The following TAF1A variants were observed in gnomAD, a reference collection of about 807,000 sequenced individuals.
TAF1A encodes the protein TATA box-binding protein-associated factor RNA polymerase I subunit A.
In TAF1A, 42 loss-of-function variants were observed where a neutral mutation model predicts 61.6. The observed-to-expected ratio is 0.68, with a 90% confidence interval of 0.53 to 0.88. TAF1A has a LOEUF of 0.88. Among genes scored for constraint, TAF1A ranks in the 40% least tolerant of loss-of-function variants. The pLI, the probability that TAF1A is intolerant of heterozygous loss-of-function variation, is 0.00. For synonymous variants in TAF1A, 179 were observed against 177.7 expected, an observed-to-expected ratio of 1.01 and a Z score of -0.06; for missense variants, 424 against 518.7, an observed-to-expected ratio of 0.82 and a Z score of 1.77.
chr1:222,588,319 A>G, intron 2 of TAF1A, 124 bp downstream of exon 2: 2 of 1,204,886 alleles, frequency 1.7e-6, no homozygotes, highest in African/African-American at 1.5e-5. Context: ...TTTGGCTTTT[A>G]GCCAAAAAAC....
At position 222,589,458 on chromosome 1, in the gene TAF1A, T is replaced by G. The variant is rs115102765; in HGVS notation, c.-3+269A>C. On this transcript the variant is annotated intron_variant, in intron 1 of 10. Transcript: ENST00000352967. ...CAAAGCATGTGGCTAGGAGTATGAATTATAAGTAACAACTGAATTTGAATC... is the reference window on the plus strand; with the variant it reads ...CAAAGCATGTGGCTAGGAGTATGAAGTATAAGTAACAACTGAATTTGAATC... Among the ~76,000 whole-genome samples, 529 of 152,284 alleles carry G rather than the reference T, an allele frequency of 3.5e-3. 3 individuals carry two copies. The highest frequency in any genetic ancestry group is 0.012 in the African/African-American group (508 of 41,562).
chr1:222,578,360 G>C (rs1003891318), intron 4 of TAF1A, among the ~76,000 whole-genome samples: 3 of 152,124 alleles, frequency 2.0e-5, no homozygotes, highest in Non-Finnish European at 2.9e-5. Context: ...CATCTTTCAA[G>C]TGGCTACCAA....
intron 2 of TAF1A, among the ~76,000 whole-genome samples, chr1:222,584,565 C>T (rs1321308724): frequency 6.6e-6 from 1 of 152,150 alleles, no homozygotes; most frequent in Non-Finnish European, 1.5e-5. Context: ...TCCTTTCATC[C>T]TTGTACCAAA....
chr1:222,560,322 G>C (rs949358670), intron 10 of TAF1A, among the ~76,000 whole-genome samples: 3 of 152,154 alleles, frequency 2.0e-5, no homozygotes, highest in African/African-American at 7.2e-5. Flanking sequence ...TATTTGTAGA[G>C]CACTTTAGAA....
Position 222,564,140 on chromosome 1 carries a change from A to C in TAF1A, c.895-15T>G. The C allele has an allele frequency of 6.6e-7, 1 of 1,512,878 alleles. No homozygotes were observed. The highest frequency in any genetic ancestry group is 1.4e-5 in the African/African-American group (1 of 72,230). 93.7% of individuals were successfully genotyped at this position (1,512,878 alleles called of 1,614,324 possible). On this transcript the variant is annotated splice_polypyrimidine_tract_variant and intron_variant, in intron 7 of 10. Coordinates refer to ENST00000352967, the MANE Select transcript of TAF1A (RefSeq NM_005681.4). Reference sequence around the variant, plus strand: ...TGATACAAAATCTGAAAGAAAGAACAGTCTTGTAATCTTTACATACTTGTA... The same window carrying C: ...TGATACAAAATCTGAAAGAAAGAACCGTCTTGTAATCTTTACATACTTGTA...
chr1:222,557,412 C>T (rs566816648), downstream of TAF1A, among the ~76,000 whole-genome samples: 23 of 152,192 alleles, frequency 1.5e-4, no homozygotes, highest in South Asian at 3.7e-3. Context: ...AGTCAAATAC[C>T]GCTGCATCCT....
At chr1:222,560,036 G>A (rs909083422) in intron 10 of TAF1A, among the ~76,000 whole-genome samples, 1 of 152,064 alleles carries the variant, frequency 6.6e-6, no homozygotes, top group African/African-American at 2.4e-5. Flanking sequence ...TGAAGTCACA[G>A]GGCAACCAAG....
chr1:222,563,138 T>A (rs776696422), intron 9 of TAF1A, 35 bp downstream of exon 9: 2 of 1,521,338 alleles, frequency 1.3e-6, no homozygotes, highest in Admixed American at 2.1e-5. Context: ...ATATTATTTA[T>A]GATGACCTAG....
At chr1:222,581,348 T>A (rs1424541523) in intron 3 of TAF1A, among the ~76,000 whole-genome samples, 1 of 152,208 alleles carries the variant, frequency 6.6e-6, no homozygotes, top group Non-Finnish European at 1.5e-5. Context: ...TGGTTAAACT[T>A]TTTTTTCAGC....
Position 222,584,155 on chromosome 1 carries a change from A to T in TAF1A, c.264T>A (p.Asp88Glu). ...YSYFQTLEDS[D>E]SYKRQAAPEI... is the part of the protein sequence containing the mutation. ...CAGGTGCAGCCTGCCTTTTGTAGCTATCTGAATCTTCCAAGGTCTGAAAAT... is the reference window on the plus strand; with the variant it reads ...CAGGTGCAGCCTGCCTTTTGTAGCTTTCTGAATCTTCCAAGGTCTGAAAAT... Residue 88 changes from aspartate to glutamate, a missense_variant, in exon 3 of 11, where the codon GAT (aspartate) becomes GAA (glutamate). Physicochemically the swap from Asp to Glu is conservative, Grantham distance 45. Coordinates refer to ENST00000352967, the MANE Select transcript of TAF1A (RefSeq NM_005681.4). The T allele has an allele frequency of 6.2e-7, 1 of 1,610,400 alleles. No individual in the cohort carries two copies. Among genetic ancestry groups the T allele is most frequent in the Non-Finnish European group, 8.5e-7 (1 of 1,179,024 alleles).
Position 222,561,462 on chromosome 1 carries a change from C to G in TAF1A, c.1142G>C (p.Gly381Ala). 1 of 1,612,720 alleles carries G rather than the reference C, an allele frequency of 6.2e-7. No homozygotes were observed. The highest frequency in any genetic ancestry group is 8.5e-7 in the Non-Finnish European group (1 of 1,179,268). The part of the protein sequence containing the change: ...EWNSRKNWWP[G>A]FHFSYFWAKS... ...TGCCCAAAAGTAGCTGAAATGAAAG[C>G]CTGGCCACCAGTTTTTCCTGGAGTT... The change falls in exon 10 of 11, where the codon GGC (glycine) becomes GCC (alanine). Residue 381 changes from glycine to alanine, a missense_variant. Gly to Ala is a moderately conservative substitution (Grantham distance 60). Transcript: ENST00000352967.
chr1:222,584,986 T>G (rs962046012), intron 2 of TAF1A, among the ~76,000 whole-genome samples: 3 of 152,210 alleles, frequency 2.0e-5, no homozygotes, highest in Admixed American at 2.0e-4. Context: ...AAGATACTTT[T>G]AAAACAATTA....
At chr1:222,587,379 A>C (rs889908668) in intron 2 of TAF1A, among the ~76,000 whole-genome samples, 1 of 152,158 alleles carries the variant, frequency 6.6e-6, no homozygotes, top group South Asian at 2.1e-4. Context: ...ATCCTACCTA[A>C]ACTGCCTAGC....
rs767957923 is a variant in TAF1A at position 222,561,519 on chromosome 1, C to T, written c.1086-1G>A. 2 of 1,584,006 alleles carry T rather than the reference C, an allele frequency of 1.3e-6. No individual in the cohort carries two copies. Among genetic ancestry groups the T allele is most frequent in the Admixed American group, 1.9e-5 (1 of 52,808 alleles). Reference sequence around the variant, plus strand: ...TTCTTGAACCCACGCAAGGTGGTTTCTGGAAAAGAAAAATGTCAAAAGAGA... The same window carrying T: ...TTCTTGAACCCACGCAAGGTGGTTTTTGGAAAAGAAAAATGTCAAAAGAGA... On this transcript the variant is annotated splice_acceptor_variant, in intron 9 of 10. Transcript: ENST00000352967. LOFTEE classifies it high-confidence loss of function.
At chr1:222,563,746 T>C (rs539764410) in intron 8 of TAF1A, among the ~76,000 whole-genome samples, 1 of 152,236 alleles carries the variant, frequency 6.6e-6, no homozygotes, top group Non-Finnish European at 1.5e-5. Flanking sequence ...GTGAATTATA[T>C]AAAATCGAGC....
chr1:222,557,694 A>T (rs934279727), downstream of TAF1A, among the ~76,000 whole-genome samples: 6 of 151,578 alleles, frequency 4.0e-5, no homozygotes, highest in Non-Finnish European at 8.8e-5. Flanking sequence ...TGACCTCATG[A>T]TCTTAGACTG....
downstream of TAF1A, among the ~76,000 whole-genome samples, chr1:222,556,903 TA>T (rs1402699110): frequency 1.3e-5 from 2 of 152,228 alleles, no homozygotes; most frequent in Admixed American, 1.3e-4. Flanking sequence ...GTATTGGTCT[TA>T]TACAGAACTC....
intron 4 of TAF1A, among the ~76,000 whole-genome samples, chr1:222,578,907 G>A (rs747780260): frequency 7.9e-5 from 12 of 152,180 alleles, no homozygotes; most frequent in Non-Finnish European, 1.3e-4. Context: ...ATTGAGAAAT[G>A]AGGTTCCCTT....
chr1:222,561,972 T>C (rs1029538250), intron 9 of TAF1A, among the ~76,000 whole-genome samples: 2 of 152,200 alleles, frequency 1.3e-5, no homozygotes, highest in African/African-American at 4.8e-5. Flanking sequence ...TAGTGTCTGG[T>C]ACATAGTAAA....
Sources: allele counts gnomAD v4.1 joint callset (sites outside exome capture counted in the v4.1 genomes callset), GRCh38; gene constraint gnomAD v4.1.1; transcripts MANE v1.5; gene names NCBI Gene and HGNC (gene_info 2026-07-23, HGNC 2026-07-21).